PTK7: variants seen among roughly 807,000 people sequenced by gnomAD.
The protein encoded by PTK7 is protein tyrosine kinase 7 (inactive).
A neutral mutation model predicts 116.6 loss-of-function variants in PTK7; 39 were observed. The ratio of observed to expected loss-of-function variants is 0.33; its 90% confidence interval spans 0.26 to 0.44. PTK7 has a LOEUF of 0.44. PTK7 is among the 20% of genes least tolerant of loss of function. The pLI, the probability that PTK7 is intolerant of heterozygous loss-of-function variation, is 1.00. For synonymous variants in PTK7, 546 were observed against 563.6 expected (o/e 0.97, Z 0.44); for missense variants, 1,169 against 1,425.6 (o/e 0.82, Z 2.90).
chr6:43,142,532 G>T lies in PTK7; in HGVS notation c.2047+233G>T, dbSNP rs377110915. On this transcript the variant is annotated intron_variant, in intron 13 of 19. Coordinates refer to ENST00000230419, the MANE Select transcript of PTK7 (RefSeq NM_002821.5). ...GTGTGTGTGTGTGTTGTGGGGGAGT[G>T]GGGGGGTGTTCTCTTCCTACAATGC... The T allele has an allele frequency of 2.4e-5, 16 of 673,960 alleles. 1 individual carries two copies. Among genetic ancestry groups the T allele is most frequent in the East Asian group, 1.8e-4 (6 of 32,722 alleles). The allele number at this position is 673,960 out of a possible 1,614,324, so 41.7% of individuals were successfully genotyped here. A position where few individuals can be genotyped will look rare whatever the true frequency, so the allele number is the denominator to read the frequency against.
chr6:43,118,645 CTCTCTCTCTCTCTCTA>C (rs1306627678), intron 1 of PTK7, among the ~76,000 whole-genome samples: 93 of 85,876 alleles, frequency 1.1e-3, no homozygotes, highest in African/African-American at 2.9e-3. Context: ...CTCTCTCTCT[CTCTCTCTCTCTCTCTA>C]TATATATATA....
Position 43,076,965 on chromosome 6 carries a change from C to T in PTK7, c.79+398C>T, listed in dbSNP as rs895868652. On this transcript the variant is annotated intron_variant, in intron 1 of 19. Coordinates refer to ENST00000230419, the MANE Select transcript of PTK7 (RefSeq NM_002821.5). This position sits in a 1 kb window ranked among gnomAD's most constrained non-coding sequence, Gnocchi z 5.7. ...GATGGAGAAAAAGGAATTCCCCACC[C>T]CACCCGGCAGGGTCGGCCCAGGTAA... The T allele has an allele frequency of 2.0e-6, 3 of 1,510,900 alleles. No individual in the cohort carries two copies. Among genetic ancestry groups the T allele is most frequent in the Non-Finnish European group, 2.7e-6 (3 of 1,129,320 alleles). 93.6% of individuals were successfully genotyped at this position (1,510,900 alleles called of 1,614,324 possible). A position where few individuals can be genotyped will look rare whatever the true frequency, so the allele number is the denominator to read the frequency against.
chr6:43,132,795 G>GC, intron 7 of PTK7, 108 bp downstream of exon 7: 1 of 1,470,088 alleles, frequency 6.8e-7, no homozygotes, highest in Non-Finnish European at 9.3e-7. Context: ...TCAGTTCTGG[G>GC]CCCTGCAGGC....
intron 1 of PTK7, among the ~76,000 whole-genome samples, chr6:43,085,840 G>A (rs1766618410): frequency 6.6e-6 from 1 of 151,748 alleles, no homozygotes; most frequent in Admixed American, 6.6e-5. Flanking sequence ...GGCTGAGGCA[G>A]GAGAATCGCT....
rs1267115220 is a variant in PTK7, at chr6:43,130,525, A to G, written c.676A>G (p.Arg226Gly). The G allele has an allele frequency of 6.2e-7, 1 of 1,613,858 alleles. No homozygotes were observed. The highest frequency in any genetic ancestry group is 8.5e-7 in the Non-Finnish European group (1 of 1,179,878). The change falls in exon 5 of 20, where the codon AGG becomes GGG. Residue 226 changes from arginine (R) to glycine (G), a missense_variant. Physicochemically the swap from Arg to Gly is moderately radical, Grantham distance 125. This residue lies in a region of PTK7 where 487 missense variants were observed against 549.8 expected (regional missense o/e 0.89). Coordinates refer to ENST00000230419, the MANE Select transcript of PTK7 (RefSeq NM_002821.5). The part of the protein sequence containing the change: ...TLSIADESFA[R>G]VVLAPQDVVV... ...TCCCTCTCCAGATGAAAGCTTTGCC[A>G]GGGTGGTGCTGGCACCCCAGGACGT...
At chr6:43,142,925 CCCTT>C (rs1157299768) in intron 13 of PTK7, 1 of 173,282 alleles carries the variant, frequency 5.8e-6, no homozygotes, top group Non-Finnish European at 1.2e-5. Flanking sequence ...TGCATGGTCT[CCCTT>C]CATTCCCCTA....
intron 1 of PTK7, among the ~76,000 whole-genome samples, chr6:43,115,926 T>TA (rs1768486738): frequency 1.6e-5 from 1 of 62,076 alleles, no homozygotes; most frequent in African/African-American, 7.8e-5. Flanking sequence ...AGACTCCATC[T>TA]CAAAAAAAAA....
intron 1 of PTK7, among the ~76,000 whole-genome samples, chr6:43,099,121 A>G (rs1161506235): frequency 2.0e-5 from 3 of 151,798 alleles, no homozygotes; most frequent in Admixed American, 6.6e-5. Flanking sequence ...TAAAAAAAAA[A>G]GGAAAAAAAA....
chr6:43,152,566 G>A (rs1019849336), intron 17 of PTK7, among the ~76,000 whole-genome samples: 3 of 152,188 alleles, frequency 2.0e-5, no homozygotes, highest in Non-Finnish European at 2.9e-5. Context: ...CATTCATTTA[G>A]CACCTCTGCA....
At chr6:43,083,158 A>T (rs1766468722) in intron 1 of PTK7, among the ~76,000 whole-genome samples, 1 of 152,218 alleles carries the variant, frequency 6.6e-6, no homozygotes, top group Non-Finnish European at 1.5e-5. Flanking sequence ...AGGGTCATTA[A>T]ACAAGGTTGG....
chr6:43,091,359 G>T (rs1050909478), intron 1 of PTK7, among the ~76,000 whole-genome samples: 2 of 151,984 alleles, frequency 1.3e-5, no homozygotes, highest in South Asian at 4.1e-4. Context: ...TAGAAATGGG[G>T]TTTCACCATG....
chr6:43,138,784 A>G (rs1582178621), intron 7 of PTK7, 65 bp from the exon 8 acceptor site: 1 of 1,529,132 alleles, frequency 6.5e-7, no homozygotes. Flanking sequence ...GATTTCTTGG[A>G]GATGGATCCT....
intron 17 of PTK7, among the ~76,000 whole-genome samples, chr6:43,154,185 A>T (rs939351781): frequency 2.0e-5 from 3 of 151,740 alleles, no homozygotes; most frequent in Non-Finnish European, 4.4e-5. Flanking sequence ...TAAATAAATA[A>T]ATAAAATTAG....
intron 1 of PTK7, among the ~76,000 whole-genome samples, chr6:43,123,880 C>T (rs1325878426): frequency 2.0e-5 from 3 of 152,164 alleles, no homozygotes; most frequent in Non-Finnish European, 4.4e-5. Flanking sequence ...AATGTGAACC[C>T]GTTAGCCCTT....
Position 43,141,692 on chromosome 6 carries a change from TGACA to T in PTK7, c.1648_1651del (p.Asp550ThrfsTer10). ...GATGGGAGCAGCCTCCCAGAGTGGG[TGACA>T]GACAACGCTGGGACCCTGCATTTTG... On this transcript the variant is annotated frameshift_variant, in exon 11 of 20. Coordinates refer to ENST00000230419, the MANE Select transcript of PTK7 (RefSeq NM_002821.5). LOFTEE classifies it high-confidence loss of function. The surrounding 1 kb of genome is among the most constrained non-coding windows in gnomAD (Gnocchi z 4.9). 6.2e-7 allele frequency: 1 copy of T among 1,614,074 alleles called. No homozygotes were observed.
intron 1 of PTK7, among the ~76,000 whole-genome samples, chr6:43,097,537 G>T (rs1767329780): frequency 6.6e-6 from 1 of 152,132 alleles, no homozygotes; most frequent in Non-Finnish European, 1.5e-5. Context: ...TTCTTAACAG[G>T]TCTATGACCA....
intron 1 of PTK7, among the ~76,000 whole-genome samples, chr6:43,118,904 G>A (rs545211389): frequency 9.4e-4 from 142 of 151,002 alleles, no homozygotes; most frequent in African/African-American, 3.3e-3. Flanking sequence ...AAGTAGCTGG[G>A]ACGACAGGTG....
intron 17 of PTK7, among the ~76,000 whole-genome samples, chr6:43,151,519 TTTTG>T (rs1771084115): frequency 8.5e-6 from 1 of 117,462 alleles, no homozygotes; most frequent in Non-Finnish European, 1.7e-5. Context: ...AGCCCCGTTT[TTTTG>T]TTTGTTTTTT....
chr6:43,110,446 C>T (rs971568697), intron 1 of PTK7, among the ~76,000 whole-genome samples: 3 of 150,880 alleles, frequency 2.0e-5, no homozygotes, highest in African/African-American at 7.3e-5. Context: ...GAATTTTGCT[C>T]TTAGTGCCCA....
Sources: allele counts gnomAD v4.1 joint callset (sites outside exome capture counted in the v4.1 genomes callset), GRCh38; gene constraint gnomAD v4.1.1; regional missense constraint gnomAD v4.1.1; non-coding constraint Gnocchi (gnomAD v3.1); transcripts MANE v1.5; gene names NCBI Gene and HGNC (gene_info 2026-07-23, HGNC 2026-07-21).